Variants in GABBR2 observed in about 807,000 individuals in gnomAD.
GABBR2 encodes the protein gamma-aminobutyric acid type B receptor subunit 2.
Under a neutral mutation model 105.6 loss-of-function variants are expected in GABBR2, and 23 were observed. The ratio of observed to expected loss-of-function variants is 0.22; its 90% CI spans 0.16 to 0.31. GABBR2 has a LOEUF of 0.31. Ranked by LOEUF, GABBR2 falls within the 10% of genes least tolerant of loss-of-function variation. GABBR2 has a pLI of 1.00. For missense variants in GABBR2, 734 were observed against 1,245.5 expected (o/e 0.59, Z 6.18); for synonymous variants, 478 against 499.7 (o/e 0.96, Z 0.58).
intron 17 of GABBR2, among the ~76,000 whole-genome samples, chr9:98,298,809 T>C (rs932192733): frequency 1.3e-5 from 2 of 152,240 alleles, no homozygotes; most frequent in African/African-American, 4.8e-5. Context: ...AGATTAAGCA[T>C]TCTATCATAA....
chr9:98,520,222 G>A (rs560898246), intron 3 of GABBR2, among the ~76,000 whole-genome samples: 10 of 152,344 alleles, frequency 6.6e-5, no homozygotes, highest in African/African-American at 2.4e-4. Flanking sequence ...AAGGGGAGGT[G>A]TGGAAAACAT....
chr9:98,604,409 G>A (rs765969221), intron 1 of GABBR2, among the ~76,000 whole-genome samples: 5 of 152,164 alleles, frequency 3.3e-5, no homozygotes, highest in East Asian at 3.9e-4. Flanking sequence ...CTCCAACATC[G>A]CCCTCACCCT....
intron 1 of GABBR2, among the ~76,000 whole-genome samples, chr9:98,624,099 G>A (rs1408896124): frequency 6.6e-6 from 1 of 152,178 alleles, no homozygotes; most frequent in Non-Finnish European, 1.5e-5. Flanking sequence ...CCATTTGGCT[G>A]GAGAGCCAAG....
chr9:98,346,073 T>C (rs952351232), intron 13 of GABBR2, among the ~76,000 whole-genome samples: 15 of 152,238 alleles, frequency 9.9e-5, no homozygotes, highest in African/African-American at 3.6e-4. Flanking sequence ...TTTACCTCCT[T>C]ATTGATGGCA....
At chr9:98,637,247 C>T (rs556922694) in intron 1 of GABBR2, among the ~76,000 whole-genome samples, 171 of 152,160 alleles carry the variant, frequency 1.1e-3, no homozygotes, top group Non-Finnish European at 2.1e-3. Context: ...ACTGACTGCA[C>T]GTGCTGCATG....
intron 3 of GABBR2, among the ~76,000 whole-genome samples, chr9:98,541,078 C>T (rs913765546): frequency 2.6e-5 from 4 of 152,180 alleles, no homozygotes; most frequent in African/African-American, 4.8e-5. Context: ...AAGTGGTCAA[C>T]GTTCAGAGGG....
At chr9:98,526,093 T>G (rs558809064) in intron 3 of GABBR2, among the ~76,000 whole-genome samples, 1 of 152,336 alleles carries the variant, frequency 6.6e-6, no homozygotes, top group South Asian at 2.1e-4. Flanking sequence ...CACATTATTG[T>G]GTATATACTG....
chr9:98,439,474 CAT>C (rs1825992613), intron 7 of GABBR2, among the ~76,000 whole-genome samples: 1 of 152,192 alleles, frequency 6.6e-6, no homozygotes, highest in Admixed American at 6.5e-5. Context: ...TTAATACTAA[CAT>C]AAATGTTAAA....
intron 13 of GABBR2, among the ~76,000 whole-genome samples, chr9:98,327,081 T>C (rs1366410016): frequency 2.0e-5 from 3 of 152,232 alleles, no homozygotes; most frequent in African/African-American, 7.2e-5. Context: ...GATGGAAGAC[T>C]GTGCAGATTG....
chr9:98,521,112 T>C (rs1827855960), intron 3 of GABBR2, among the ~76,000 whole-genome samples: 1 of 152,030 alleles, frequency 6.6e-6, no homozygotes, highest in African/African-American at 2.4e-5. Flanking sequence ...GATGTCCAAC[T>C]CCCACCTAAG....
chr9:98,621,863 CT>C (rs1442067636), intron 1 of GABBR2, among the ~76,000 whole-genome samples: 4 of 152,266 alleles, frequency 2.6e-5, no homozygotes, highest in African/African-American at 9.6e-5. Context: ...GGAAGTGTAT[CT>C]ATACAATATA....
At chr9:98,507,288 CTGG>C (rs779116997) in intron 3 of GABBR2, among the ~76,000 whole-genome samples, 1 of 152,114 alleles carries the variant, frequency 6.6e-6, no homozygotes, top group Non-Finnish European at 1.5e-5. Context: ...TGGGATTATC[CTGG>C]TGGCCCAACA....
At chr9:98,445,035 G>C (rs558557842) in intron 7 of GABBR2, among the ~76,000 whole-genome samples, 6 of 152,320 alleles carry the variant, frequency 3.9e-5, no homozygotes, top group African/African-American at 1.4e-4. Flanking sequence ...GGTTGAAAAA[G>C]TCTTTTTAGT....
In GABBR2 at chr9:98,459,119, C is replaced by A. The variant is rs182639668; in HGVS notation, c.1000-4902G>T. Among the ~76,000 whole-genome samples the A allele has an allele frequency of 3.3e-5, 5 of 152,282 alleles. No individual in the cohort carries two copies. The East Asian group carries it at 9.6e-4, about 29-fold the overall frequency. The stretch of plus-strand genomic sequence containing the variant: ...CATCTGCTCCCTTTATACACAACAG[C>A]CCCTCAAAGAGCCAAAGACAGGGAG... On this transcript the variant is annotated intron_variant, in intron 6 of 18. Coordinates refer to ENST00000259455, the MANE Select transcript of GABBR2 (RefSeq NM_005458.8).
chr9:98,607,494 G>A (rs569302428), intron 1 of GABBR2: 3 of 576,920 alleles, frequency 5.2e-6, no homozygotes, highest in African/African-American at 3.8e-5. Flanking sequence ...TAAAATATAT[G>A]AATTTCTAGA....
At chr9:98,374,224 C>T (rs1015605964) in intron 11 of GABBR2, among the ~76,000 whole-genome samples, 1 of 152,160 alleles carries the variant, frequency 6.6e-6, no homozygotes, top group African/African-American at 2.4e-5. Flanking sequence ...CATTTCCAGG[C>T]CACTTGTCTA....
intron 3 of GABBR2, among the ~76,000 whole-genome samples, chr9:98,501,531 C>G (rs1397372878): frequency 6.6e-6 from 1 of 152,198 alleles, no homozygotes; most frequent in Non-Finnish European, 1.5e-5. Context: ...TGTCGTCCAT[C>G]TCAGACCACA....
intron 1 of GABBR2, among the ~76,000 whole-genome samples, chr9:98,690,922 T>G (rs1830675117): frequency 6.6e-6 from 1 of 152,228 alleles, no homozygotes; most frequent in Non-Finnish European, 1.5e-5. Flanking sequence ...CAGCCAGGCC[T>G]GCCAACCTGG....
intron 1 of GABBR2, among the ~76,000 whole-genome samples, chr9:98,671,795 A>G (rs1830410680): frequency 6.6e-6 from 1 of 152,208 alleles, no homozygotes; most frequent in South Asian, 2.1e-4. Context: ...TTCACTCTGG[A>G]TAAAGAATTT....
Sources: allele counts gnomAD v4.1 joint callset (sites outside exome capture counted in the v4.1 genomes callset), GRCh38; gene constraint gnomAD v4.1.1; transcripts MANE v1.5; gene names NCBI Gene and HGNC (gene_info 2026-07-23, HGNC 2026-07-21).